DNAH7: variants seen among roughly 807,000 people sequenced by gnomAD.
The protein encoded by DNAH7 is axonemal beta dynein heavy chain 7.
Under a neutral mutation model 444.6 loss-of-function variants are expected in DNAH7, and 397 were observed. The observed-to-expected ratio is 0.89, with a 90% CI of 0.82 to 0.97. The LOEUF is 0.97. Among genes scored for constraint, DNAH7 ranks in the 50% least tolerant of loss-of-function variants. The pLI, the probability that DNAH7 is intolerant of heterozygous loss-of-function variation, is 0.00. For synonymous variants in DNAH7, 1,636 were observed against 1,624.4 expected (o/e 1.01, Z -0.17); for missense variants, 4,902 against 4,800.8 (o/e 1.02, Z -0.62).
intron 8 of DNAH7, among the ~76,000 whole-genome samples, chr2:196,022,878 T>C (rs1695463498): frequency 6.6e-6 from 1 of 152,238 alleles, no homozygotes; most frequent in Non-Finnish European, 1.5e-5. Context: ...TTTCAAAAAT[T>C]TGTTCTGTAA....
intron 55 of DNAH7, among the ~76,000 whole-genome samples, chr2:195,798,403 C>A (rs547247149): frequency 6.6e-6 from 1 of 152,048 alleles, no homozygotes; most frequent in Non-Finnish European, 1.5e-5. Flanking sequence ...TGTACCAAAT[C>A]GAAAAAATTC....
intron 17 of DNAH7, among the ~76,000 whole-genome samples, chr2:195,966,824 C>G (rs998419075): frequency 1.3e-5 from 2 of 151,952 alleles, no homozygotes; most frequent in African/African-American, 4.8e-5. Flanking sequence ...TATTTTCAGT[C>G]TATGTGTGAC....
intron 19 of DNAH7, among the ~76,000 whole-genome samples, chr2:195,952,716 T>C (rs1690349342): frequency 6.6e-6 from 1 of 152,198 alleles, no homozygotes; most frequent in Admixed American, 6.5e-5. Context: ...TTCTACTAGA[T>C]CAATTTGGCT....
At chr2:195,947,629 T>C (rs960804450) in intron 19 of DNAH7, among the ~76,000 whole-genome samples, 4 of 152,188 alleles carry the variant, frequency 2.6e-5, no homozygotes, top group African/African-American at 9.6e-5. Context: ...GAACTCATCC[T>C]TTTTTATGGC....
In DNAH7 at chr2:195,923,810, G is replaced by GAAAGA. The variant is rs1688169996; in HGVS notation, c.3613-8_3613-4dup. 6.2e-7 allele frequency: 1 copy of GAAAGA among 1,612,562 alleles called. No individual in the cohort carries two copies. The highest frequency in any genetic ancestry group is 1.3e-5 in the African/African-American group (1 of 74,992). On this transcript the variant is annotated splice_polypyrimidine_tract_variant and splice_region_variant and intron_variant, in intron 22 of 64. Transcript: ENST00000312428. ...GTTTTCAAGTATTGCTCAAGAGCCT[G>GAAAGA]AAAGAAAAGAAAATAAGATATGATT...
chr2:195,794,643 A>G (rs1696052424), intron 56 of DNAH7, 105 bp from the exon 57 acceptor site: 7 of 1,075,140 alleles, frequency 6.5e-6, no homozygotes, highest in Non-Finnish European at 9.6e-6. Context: ...GTATTTTTAC[A>G]AAGTAGAAAT....
At position 195,778,618 on chromosome 2, in the gene DNAH7, G is replaced by GGAAAAAAAAAAA. The variant is rs1365539221; in HGVS notation, c.10879-634_10879-633insTTTTTTTTTTTC. On this transcript the variant is annotated intron_variant, in intron 58 of 64. Coordinates refer to ENST00000312428, the MANE Select transcript of DNAH7 (RefSeq NM_018897.3). The stretch of plus-strand genomic sequence containing the variant: ...TGGGTGACAGAGCAAGACCCTGTCT[G>GGAAAAAAAAAAA]AAAAAAAAAAAAAATAAATAAATAA... 9.2e-5 allele frequency among the ~76,000 whole-genome samples: 2 copies of GGAAAAAAAAAAA among 21,790 alleles called. 1 individual carries two copies. Among genetic ancestry groups the GGAAAAAAAAAAA allele is most frequent in the Non-Finnish European group, 1.5e-4 (2 of 12,986 alleles). The allele number at this position is 21,790 out of a possible 152,430, so 14.3% of individuals were successfully genotyped here.
chr2:196,041,007 G>A (rs994970988), intron 5 of DNAH7, among the ~76,000 whole-genome samples: 1 of 151,486 alleles, frequency 6.6e-6, no homozygotes, highest in African/African-American at 2.4e-5. Context: ...ATCAAAAAGT[G>A]AAAGATCTCT....
chr2:195,859,161 T>C (rs578204268), intron 42 of DNAH7, among the ~76,000 whole-genome samples: 66 of 152,348 alleles, frequency 4.3e-4, no homozygotes, highest in Non-Finnish European at 7.2e-4. Flanking sequence ...GCAACACTAC[T>C]GCTGCTTTAA....
chr2:195,935,061 T>G (rs1688958343), intron 20 of DNAH7, among the ~76,000 whole-genome samples: 2 of 152,322 alleles, frequency 1.3e-5, no homozygotes, highest in South Asian at 4.1e-4. Context: ...CACGAGGCTT[T>G]GTCTTCAATA....
chr2:195,860,446 G>A (rs1335598783), intron 42 of DNAH7, among the ~76,000 whole-genome samples: 1 of 151,980 alleles, frequency 6.6e-6, no homozygotes, highest in Non-Finnish European at 1.5e-5. Context: ...ATAAATTCCA[G>A]CCAAGCTATG....
chr2:196,016,236 T>TAA (rs200007041), intron 9 of DNAH7, among the ~76,000 whole-genome samples: 2 of 151,148 alleles, frequency 1.3e-5, no homozygotes, highest in South Asian at 2.1e-4. Flanking sequence ...AAAGTGGATA[T>TAA]AAAAAAAAAC....
At chr2:195,815,634 G>A (rs922729233) in intron 51 of DNAH7, among the ~76,000 whole-genome samples, 1 of 152,232 alleles carries the variant, frequency 6.6e-6, no homozygotes, top group Non-Finnish European at 1.5e-5. Context: ...TACTGATCAA[G>A]AAGGTTATAA....
chr2:195,755,275 G>A (rs934076279), intron 62 of DNAH7, among the ~76,000 whole-genome samples: 3 of 152,026 alleles, frequency 2.0e-5, no homozygotes, highest in Non-Finnish European at 4.4e-5. Flanking sequence ...CAACATATAG[G>A]AACACAATAT....
intron 55 of DNAH7, 122 bp from the exon 56 acceptor site, chr2:195,796,859 C>A (rs1696169585): frequency 1.0e-6 from 1 of 965,052 alleles, no homozygotes; most frequent in Non-Finnish European, 1.5e-6. Context: ...CTCAAAAAGC[C>A]AAACACATGC....
chr2:195,910,192 G>A lies in DNAH7; in HGVS notation c.3939C>T (p.Thr1313=), dbSNP rs1211642240. 1 of 1,602,888 alleles carries A rather than the reference G, an allele frequency of 6.2e-7. No individual in the cohort carries two copies. The highest frequency in any genetic ancestry group is 2.2e-5 in the East Asian group (1 of 44,630). ...ITPLTDRCYR[T]LFGALHLHLG... ...GGTGCAAATGAAGGGCTCCAAATAA[G>A]GTTCTGAAACATATGAAATAGACAT... is the stretch of plus-strand genomic sequence containing the variant. The change falls in exon 25 of 65, where the codon ACC becomes ACT. Residue 1313 remains threonine, a synonymous_variant. Transcript: ENST00000312428.
At chr2:195,758,393 T>C (rs998852453) in intron 61 of DNAH7, among the ~76,000 whole-genome samples, 1 of 152,204 alleles carries the variant, frequency 6.6e-6, no homozygotes, top group African/African-American at 2.4e-5. Context: ...TTTGGTAACA[T>C]ATGTTTTCCC....
chr2:195,799,470 AACC>A lies in DNAH7; in HGVS notation c.10177-1_10178del, dbSNP rs1324995750. On this transcript the variant is annotated splice_acceptor_variant and coding_sequence_variant, in exon 55 of 65. Coordinates refer to ENST00000312428, the MANE Select transcript of DNAH7 (RefSeq NM_018897.3). LOFTEE classifies it high-confidence loss of function. ...TTATAAATTCCTGCAACATTGGAAT[AACC>A]TAGAAAGAGACAAGGATATAGTTGG... 16 of 1,597,512 alleles carry A rather than the reference AACC, an allele frequency of 1.0e-5. No homozygotes were observed. Among genetic ancestry groups the A allele is most frequent in the Non-Finnish European group, 1.4e-5 (16 of 1,173,026 alleles).
chr2:195,974,556 G>C (rs983086773), intron 15 of DNAH7, among the ~76,000 whole-genome samples: 2 of 152,030 alleles, frequency 1.3e-5, no homozygotes, highest in African/African-American at 4.8e-5. Context: ...GTAATAGCTA[G>C]GAGGATAAAT....
Sources: allele counts gnomAD v4.1 joint callset (sites outside exome capture counted in the v4.1 genomes callset), GRCh38; gene constraint gnomAD v4.1.1; transcripts MANE v1.5; gene names NCBI Gene and HGNC (gene_info 2026-07-23, HGNC 2026-07-21).